The following TOX3 variants were observed in gnomAD, a reference collection of about 807,000 sequenced individuals.
The protein encoded by TOX3 is CAG trinucleotide repeat-containing gene F9 protein.
A neutral mutation model predicts 64.3 loss-of-function variants in TOX3; 22 were observed. The observed-to-expected ratio is 0.34, with a 90% CI of 0.24 to 0.49. TOX3 has a LOEUF of 0.49. TOX3 is among the 20% of genes least tolerant of loss of function. The probability of loss-of-function intolerance (pLI) is 0.99; values close to 1 mark genes in which losing one functional copy is unlikely to be tolerated. For missense variants in TOX3, 661 were observed against 714.4 expected, an observed-to-expected ratio of 0.93 and a Z score of 0.85; for synonymous variants, 291 against 273.6, an observed-to-expected ratio of 1.06 and a Z score of -0.63.
At chr16:52,452,248 C>G (rs569129194) in intron 3 of TOX3, among the ~76,000 whole-genome samples, 1 of 152,124 alleles carries the variant, frequency 6.6e-6, no homozygotes, top group Admixed American at 6.5e-5. Context: ...ACTTTTTCTA[C>G]GTACATGTGT....
At chr16:52,442,864 T>A (rs1960044113) in intron 6 of TOX3, among the ~76,000 whole-genome samples, 1 of 152,174 alleles carries the variant, frequency 6.6e-6, no homozygotes, top group Non-Finnish European at 1.5e-5. Context: ...TTTTTTCTCT[T>A]TTTTGGTGTC....
Position 52,436,653 on chromosome 16 carries a change from A to G in TOX3, c.*2572T>C, listed in dbSNP as rs1416520073. The stretch of plus-strand genomic sequence containing the variant: ...GTAGTTTTGCCTGGTGATTAATTTT[A>G]TAAACTGTAGTCATTAAACTTTTTT... On this transcript the variant is annotated 3_prime_UTR_variant, in exon 7 of 7. Transcript: ENST00000219746. 1 of 152,310 alleles carries G rather than the reference A, an allele frequency of 6.6e-6. No individual in the cohort carries two copies. Among genetic ancestry groups the G allele is most frequent in the Non-Finnish European group, 1.5e-5 (1 of 68,044 alleles). 9.4% of individuals were successfully genotyped at this position (152,310 alleles called of 1,614,324 possible).
intron 1 of TOX3, among the ~76,000 whole-genome samples, chr16:52,487,185 G>GACA (rs999203427): frequency 6.6e-5 from 10 of 151,866 alleles, no homozygotes; most frequent in African/African-American, 2.4e-4. Context: ...ACCATGGGAT[G>GACA]ACAACAGTTG....
chr16:52,521,911 A>C lies in TOX3; in HGVS notation c.87+24726T>G, dbSNP rs567580886. 2.6e-5 allele frequency among the ~76,000 whole-genome samples: 4 copies of C among 152,306 alleles called. No homozygotes were observed. The East Asian group carries it at 7.7e-4, about 29-fold the overall frequency. On this transcript the variant is annotated intron_variant, in intron 1 of 6. Transcript: ENST00000219746. ...TGTGGGTAACGAGCACAGTCTCTGG[A>C]ACCTGCCTGTTGATTTGAAGGAATC...
rs919288399 is a variant in TOX3 at position 52,437,284 on chromosome 16, A to T, written c.*1941T>A. ...AGGATTATGAAATATTGAAAGCTGA[A>T]TTCATTATTCATAACCCACAACATA... On this transcript the variant is annotated 3_prime_UTR_variant, in exon 7 of 7. Transcript: ENST00000219746. 1.3e-5 allele frequency: 2 copies of T among 152,232 alleles called. No homozygotes were observed. Among genetic ancestry groups the T allele is most frequent in the Non-Finnish European group, 2.9e-5 (2 of 68,048 alleles). The allele number at this position is 152,232 out of a possible 1,614,324, so 9.4% of individuals were successfully genotyped here. A position where few individuals can be genotyped will look rare whatever the true frequency, so the allele number is the denominator to read the frequency against.
chr16:52,445,032 A>G (rs1960121763), intron 5 of TOX3: 1 of 152,212 alleles, frequency 6.6e-6, no homozygotes. Context: ...GTCAACATGC[A>G]TCTTTCTCTC....
chr16:52,450,131 T>A, intron 4 of TOX3, 146 bp downstream of exon 4: 1 of 951,970 alleles, frequency 1.1e-6, no homozygotes. Context: ...AATGAAAGAG[T>A]GAAGAAAAAC....
At chr16:52,543,529 C>A (rs1471223405) in intron 1 of TOX3, among the ~76,000 whole-genome samples, 1 of 152,152 alleles carries the variant, frequency 6.6e-6, no homozygotes, top group Non-Finnish European at 1.5e-5. Flanking sequence ...GTCACCAGAT[C>A]ATTTGAGCAA....
At position 52,463,952 on chromosome 16, in the gene TOX3, A is replaced by C. The variant is rs538021558; in HGVS notation, c.390T>G (p.His130Gln). The C allele has an allele frequency of 6.4e-7, 1 of 1,568,962 alleles. No homozygotes were observed. Among genetic ancestry groups the C allele is most frequent in the East Asian group, 2.3e-5 (1 of 43,176 alleles). ...RNLVEQDGVL[H>Q]SSGLHMDQSH... The stretch of plus-strand genomic sequence containing the variant: ...TGCCTACCATATGCAACCCACTGCT[A>C]TGAAGCACGCCATCTTGTTCCACGA... Residue 130 changes from histidine to glutamine, a missense_variant, in exon 3 of 7, where the codon CAT becomes CAG. This residue lies in a region of TOX3 where 259 missense variants were observed against 261.2 expected (regional missense o/e 0.99). Transcript: ENST00000219746.
At chr16:52,440,895 G>C (rs1959960064) in intron 6 of TOX3, among the ~76,000 whole-genome samples, 1 of 151,302 alleles carries the variant, frequency 6.6e-6, no homozygotes, top group Non-Finnish European at 1.5e-5. Context: ...CAAGTAGCTG[G>C]CACTACAGGT....
At chr16:52,493,939 T>C (rs1961769612) in intron 1 of TOX3, among the ~76,000 whole-genome samples, 1 of 152,210 alleles carries the variant, frequency 6.6e-6, no homozygotes, top group Admixed American at 6.5e-5. Context: ...TCTTTAAACA[T>C]TTATCTTCAC....
intron 1 of TOX3, among the ~76,000 whole-genome samples, chr16:52,527,698 C>T (rs1162169579): frequency 2.0e-5 from 3 of 152,164 alleles, no homozygotes; most frequent in Non-Finnish European, 4.4e-5. Context: ...TTCTGGGGAA[C>T]ACAATGATGG....
chr16:52,481,416 C>A (rs1388009815), intron 1 of TOX3, among the ~76,000 whole-genome samples: 3 of 151,922 alleles, frequency 2.0e-5, no homozygotes, highest in Non-Finnish European at 2.9e-5. Context: ...CCTATAAATT[C>A]TTCCTTAAGT....
At chr16:52,489,724 C>T (rs1961624377) in intron 1 of TOX3, among the ~76,000 whole-genome samples, 1 of 152,182 alleles carries the variant, frequency 6.6e-6, no homozygotes, top group Admixed American at 6.5e-5. Flanking sequence ...TTACTACCAA[C>T]TTATATTCAA....
At chr16:52,515,032 A>AAT (rs1962415103) in intron 1 of TOX3, among the ~76,000 whole-genome samples, 1 of 149,982 alleles carries the variant, frequency 6.7e-6, no homozygotes, top group African/African-American at 2.4e-5. Context: ...AAAAAAAAAA[A>AAT]AAAAAAGGAC....
rs926521436 is a variant in TOX3, at chr16:52,439,972, C to A, written c.988-4G>T. Reference sequence around the variant, plus strand: ...CTTCTGCTGACTCAGCAGCAGCCTGCATTTTGGGGGAGAAAATTCCAGACT... The same window carrying A: ...CTTCTGCTGACTCAGCAGCAGCCTGAATTTTGGGGGAGAAAATTCCAGACT... On this transcript the variant is annotated splice_region_variant and splice_polypyrimidine_tract_variant and intron_variant, in intron 6 of 6. Coordinates refer to ENST00000219746, the MANE Select transcript of TOX3 (RefSeq NM_001080430.4). 9 of 1,529,332 alleles carry A rather than the reference C, an allele frequency of 5.9e-6. No homozygotes were observed. The Admixed American group carries it at 1.1e-4, about 18-fold the overall frequency. The allele number at this position is 1,529,332 out of a possible 1,614,324, so 94.7% of individuals were successfully genotyped here.
In TOX3 at chr16:52,537,883, A is replaced by T. The variant is rs1033194685; in HGVS notation, c.87+8754T>A. The stretch of plus-strand genomic sequence containing the variant: ...GTACAGCCTGGCTGATATGATAAAA[A>T]AAAAAAAAAAAAAAAAAGAAAGAAA... On this transcript the variant is annotated intron_variant, in intron 1 of 6. Coordinates refer to ENST00000219746, the MANE Select transcript of TOX3 (RefSeq NM_001080430.4). 9.8e-5 allele frequency among the ~76,000 whole-genome samples: 8 copies of T among 81,774 alleles called. 1 individual carries two copies. The highest frequency in any genetic ancestry group is 2.4e-4 in the African/African-American group (6 of 25,108). The allele number at this position is 81,774 out of a possible 152,430, so 53.6% of individuals were successfully genotyped here. A position where few individuals can be genotyped will look rare whatever the true frequency, so the allele number is the denominator to read the frequency against.
rs372858338 is a variant in TOX3 at position 52,516,373 on chromosome 16, G to C, written c.87+30264C>G. 1.1e-4 allele frequency among the ~76,000 whole-genome samples: 16 copies of C among 152,184 alleles called. No homozygotes were observed. In the East Asian group the frequency reaches 2.9e-3, roughly 28 times the overall value. On this transcript the variant is annotated intron_variant, in intron 1 of 6. Coordinates refer to ENST00000219746, the MANE Select transcript of TOX3 (RefSeq NM_001080430.4). ...AAAACTTTTAATTGCAAGAGAAAGG[G>C]AACTGGATTCATCAGTTACATGCAT...
chr16:52,460,130 T>G (rs901350544), intron 3 of TOX3, among the ~76,000 whole-genome samples: 1 of 152,190 alleles, frequency 6.6e-6, no homozygotes, highest in Non-Finnish European at 1.5e-5. Context: ...CATACTCAAA[T>G]ACTTTCCTTA....
Sources: allele counts gnomAD v4.1 joint callset (sites outside exome capture counted in the v4.1 genomes callset), GRCh38; gene constraint gnomAD v4.1.1; regional missense constraint gnomAD v4.1.1; transcripts MANE v1.5; gene names NCBI Gene and HGNC (gene_info 2026-07-23, HGNC 2026-07-21).